CYLD: variants seen among roughly 807,000 people sequenced by gnomAD.
CYLD encodes the protein CYLD lysine 63 deubiquitinase.
CYLD carries 26 observed loss-of-function variants against 104.5 expected under a neutral mutation model. The ratio of observed to expected loss-of-function variants is 0.25; its 90% CI spans 0.18 to 0.35. The LOEUF is 0.35. CYLD is among the 10% of genes least tolerant of loss of function. The probability of loss-of-function intolerance (pLI) is 1.00; values close to 1 mark genes in which losing one functional copy is unlikely to be tolerated. For synonymous variants in CYLD, 385 were observed against 399.9 expected, an observed-to-expected ratio of 0.96 and a Z score of 0.45; for missense variants, 703 against 1,136.1, an observed-to-expected ratio of 0.62 and a Z score of 5.48.
Position 50,794,535 on chromosome 16 carries a change from T to G in CYLD, c.2686+107T>G. 2 of 1,054,296 alleles carry G rather than the reference T, an allele frequency of 1.9e-6. No homozygotes were observed. Among genetic ancestry groups the G allele is most frequent in the Non-Finnish European group, 2.9e-6 (2 of 679,784 alleles). 65.3% of individuals were successfully genotyped at this position (1,054,296 alleles called of 1,614,324 possible). ...GAGTGATATTTTCTGAGAAAATCCT[T>G]TCAGGATTATTCTGGTGACAACAGT... On this transcript the variant is annotated intron_variant, in intron 18 of 18. Transcript: ENST00000427738. The surrounding 1 kb of genome is among the most constrained non-coding windows in gnomAD (Gnocchi z 4.1).
chr16:50,742,872 T>A, intron 2 of CYLD, 31 bp downstream of exon 2: 1 of 111,378 alleles, frequency 9.0e-6, no homozygotes, highest in Non-Finnish European at 1.6e-5. Flanking sequence ...TCTTTCATGT[T>A]AACAATCGAG....
chr16:50,780,580 A>G (rs1970122812), intron 9 of CYLD, among the ~76,000 whole-genome samples: 1 of 152,194 alleles, frequency 6.6e-6, no homozygotes. Flanking sequence ...GTGCAGTAGC[A>G]CGGTCAGGGC....
intron 5 of CYLD, among the ~76,000 whole-genome samples, chr16:50,759,282 A>G (rs892799112): frequency 1.3e-5 from 2 of 152,212 alleles, no homozygotes; most frequent in Admixed American, 6.5e-5. Context: ...TTGCAAAAGT[A>G]TATATAACAA....
intron 3 of CYLD, among the ~76,000 whole-genome samples, chr16:50,750,635 A>ATTT (rs1966543121): frequency 6.6e-6 from 1 of 152,230 alleles, no homozygotes; most frequent in Non-Finnish European, 1.5e-5. Context: ...GAAACTTAAA[A>ATTT]AACTATGTAC....
rs747924691 is a variant in CYLD, at chr16:50,750,138, G to A, written c.440G>A (p.Arg147His). The A allele has an allele frequency of 3.7e-6, 6 of 1,614,042 alleles. No homozygotes were observed. The highest frequency in any genetic ancestry group is 2.2e-5 in the South Asian group (2 of 91,086). The change falls in exon 3 of 19, where the codon CGC becomes CAC. Residue 147 changes from arginine to histidine, a missense_variant. Arg to His is a conservative substitution (Grantham distance 29). Transcript: ENST00000427738. ...GAAGAAAAATTTCCTGGAGTTGTAC[G>A]CTTCAGAGGACCCCTGTTAGCAGAG... ...SGEEKFPGVV[R>H]FRGPLLAERT...
rs935701773 is a variant in CYLD, at chr16:50,793,800, T to C, written c.2469+136T>C. 3 of 709,298 alleles carry C rather than the reference T, an allele frequency of 4.2e-6. No homozygotes were observed. In the African/African-American group the frequency reaches 5.3e-5, roughly 13 times the overall value. 43.9% of individuals were successfully genotyped at this position (709,298 alleles called of 1,614,324 possible). On this transcript the variant is annotated intron_variant, in intron 17 of 18. Coordinates refer to ENST00000427738, the MANE Select transcript of CYLD (RefSeq NM_001378743.1). ...AAAATTCACAATAAAATGGTATTGC[T>C]TTTGCCTTTTCTGTTTACTTGAGAG... is the stretch of plus-strand genomic sequence containing the variant.
At position 50,794,140 on chromosome 16, in the gene CYLD, C is replaced by T; in HGVS notation, c.2470-72C>T. On this transcript the variant is annotated intron_variant, in intron 17 of 18. Coordinates refer to ENST00000427738, the MANE Select transcript of CYLD (RefSeq NM_001378743.1). The surrounding 1 kb of genome is among the most constrained non-coding windows in gnomAD (Gnocchi z 4.1). ...ACAGGGTTTCACCATCTTGATCAGG[C>T]TGGTCTTGAACTCCTGACCTCGTGA... 2 of 1,343,202 alleles carry T rather than the reference C, an allele frequency of 1.5e-6. No homozygotes were observed. Among genetic ancestry groups the T allele is most frequent in the Non-Finnish European group, 2.1e-6 (2 of 936,246 alleles). 83.2% of individuals were successfully genotyped at this position (1,343,202 alleles called of 1,614,324 possible). A position where few individuals can be genotyped will look rare whatever the true frequency, so the allele number is the denominator to read the frequency against.
At chr16:50,743,801 A>T (rs1458648876) in intron 2 of CYLD, among the ~76,000 whole-genome samples, 1 of 152,182 alleles carries the variant, frequency 6.6e-6, no homozygotes, top group Non-Finnish European at 1.5e-5. Flanking sequence ...GTAATTGTGA[A>T]ATTTTCCGTA....
chr16:50,743,698 T>C (rs1443081266), intron 2 of CYLD, among the ~76,000 whole-genome samples: 2 of 152,230 alleles, frequency 1.3e-5, no homozygotes, highest in Admixed American at 6.5e-5. Context: ...TTAGTTTTTT[T>C]TTCATTGGTT....
At position 50,755,098 on chromosome 16, in the gene CYLD, CATATATACACACATATACACATGTGT is replaced by C. The variant is rs1206667941; in HGVS notation, c.913+687_913+712del. On this transcript the variant is annotated intron_variant, in intron 5 of 18. Coordinates refer to ENST00000427738, the MANE Select transcript of CYLD (RefSeq NM_001378743.1). ...ATACATATACACACATATATACATA[CATATATACACACATATACACATGTGT>C]ATATATACACACGTGTACATATGTG... Among the ~76,000 whole-genome samples, 113 of 115,850 alleles carry C rather than the reference CATATATACACACATATACACATGTGT, an allele frequency of 9.8e-4. 2 individuals are homozygous for C. The East Asian group carries it at 0.018, about 19-fold the overall frequency. 76.0% of individuals were successfully genotyped at this position (115,850 alleles called of 152,430 possible). A position where few individuals can be genotyped will look rare whatever the true frequency, so the allele number is the denominator to read the frequency against.
At chr16:50,791,345 T>A (rs1261201565) in intron 14 of CYLD, among the ~76,000 whole-genome samples, 1 of 152,252 alleles carries the variant, frequency 6.6e-6, no homozygotes, top group Non-Finnish European at 1.5e-5. Context: ...GTCTAAAAAC[T>A]AAGCAAAATA....
At chr16:50,789,263 T>C (rs1364646119) in intron 14 of CYLD, among the ~76,000 whole-genome samples, 1 of 152,212 alleles carries the variant, frequency 6.6e-6, no homozygotes, top group African/African-American at 2.4e-5. Flanking sequence ...AGGAAAGATA[T>C]GTTTAATACA....
intron 5 of CYLD, among the ~76,000 whole-genome samples, chr16:50,765,018 A>G (rs2066851): frequency 0.35 from 53,083 of 152,154 alleles, 10,020 homozygotes; most frequent in Non-Finnish European, 0.42. Flanking sequence ...GGGATAACCA[A>G]TTCTATGCTA....
chr16:50,747,384 T>C (rs963308867), intron 2 of CYLD, among the ~76,000 whole-genome samples: 1 of 152,240 alleles, frequency 6.6e-6, no homozygotes, highest in Non-Finnish European at 1.5e-5. Flanking sequence ...GGGAAAACTC[T>C]AGACAGTAGA....
chr16:50,764,100 C>G (rs746325786), intron 5 of CYLD, among the ~76,000 whole-genome samples: 1 of 152,128 alleles, frequency 6.6e-6, no homozygotes, highest in African/African-American at 2.4e-5. Context: ...GTCCAGTTTG[C>G]TAGTATTTGC....
intron 2 of CYLD, among the ~76,000 whole-genome samples, 157 bp downstream of exon 2, chr16:50,742,998 C>T (rs1226247057): frequency 6.6e-6 from 1 of 152,050 alleles, no homozygotes; most frequent in Admixed American, 6.6e-5. Flanking sequence ...GGCATCGTTT[C>T]TCTTCCACCC....
At chr16:50,750,304 T>G in intron 3 of CYLD, 102 bp downstream of exon 3, 2 of 1,361,388 alleles carry the variant, frequency 1.5e-6, no homozygotes, top group Non-Finnish European at 2.1e-6. Flanking sequence ...ACGAAATAAA[T>G]TTTCCCAAGA....
In CYLD at chr16:50,775,148, G is replaced by A. The variant is rs370035315; in HGVS notation, c.914-18G>A. On this transcript the variant is annotated intron_variant, in intron 5 of 18. Transcript: ENST00000427738. ...CCTCAAATCCACTGTGGGTGATATC[G>A]TTTTTGCTGACACACAGCTTTATCA... The A allele has an allele frequency of 5.1e-5, 81 of 1,595,042 alleles. No homozygotes were observed. In the African/African-American group the frequency reaches 6.1e-4, roughly 12 times the overall value.
chr16:50,752,556 A>C (rs1185204805), intron 4 of CYLD, among the ~76,000 whole-genome samples: 1 of 152,182 alleles, frequency 6.6e-6, no homozygotes, highest in African/African-American at 2.4e-5. Context: ...AAGCATTTTT[A>C]AGTGTGCATA....
Sources: gnomAD v4.1 joint callset for allele counts (sites outside exome capture counted in the v4.1 genomes callset) on GRCh38, gnomAD v4.1.1 for gene constraint, Gnocchi (gnomAD v3.1) non-coding constraint, MANE v1.5 for transcripts, NCBI Gene and HGNC (gene_info 2026-07-23, HGNC 2026-07-21) for gene names.